Variants in TMEM184B observed in about 807,000 individuals in gnomAD.
TMEM184B encodes the protein transmembrane protein 184B, also known as putative MAPK-activating protein FM08.
TMEM184B carries 17 observed loss-of-function variants against 41.8 expected under a neutral mutation model. The observed-to-expected ratio is 0.41, with a 90% CI of 0.28 to 0.61. The LOEUF is 0.61. TMEM184B is among the 20% of genes least tolerant of loss of function. The pLI is 0.34. For missense variants in TMEM184B, 393 were observed against 557.8 expected (o/e 0.70, Z 2.98); for synonymous variants, 240 against 229.5 (o/e 1.05, Z -0.41).
chr22:38,238,019 C>T (rs1315250493), intron 3 of TMEM184B, among the ~76,000 whole-genome samples: 3 of 151,780 alleles, frequency 2.0e-5, no homozygotes, highest in African/African-American at 7.3e-5. Flanking sequence ...AGGCTGGTCT[C>T]GAACTCCCGA....
chr22:38,271,848 A>G (rs908594620), intron 1 of TMEM184B, among the ~76,000 whole-genome samples: 1 of 152,154 alleles, frequency 6.6e-6, no homozygotes, highest in Non-Finnish European at 1.5e-5. Context: ...TCTACCAAGG[A>G]AGCTAAATAG....
chr22:38,259,070 G>A (rs2092328928), intron 1 of TMEM184B, among the ~76,000 whole-genome samples: 1 of 152,174 alleles, frequency 6.6e-6, no homozygotes, highest in Non-Finnish European at 1.5e-5. Flanking sequence ...TTCCAGGAAA[G>A]ACGTCTTCCG....
At position 38,220,857 on chromosome 22, in the gene TMEM184B, C is replaced by T. The variant is rs567430134; in HGVS notation, c.*612G>A. The T allele has an allele frequency of 1.0e-6, 1 of 986,146 alleles. No individual in the cohort carries two copies. Among genetic ancestry groups the T allele is most frequent in the Non-Finnish European group, 1.2e-6 (1 of 830,148 alleles). 61.1% of individuals were successfully genotyped at this position (986,146 alleles called of 1,614,324 possible). ...AAGCGGTGCCCAGGGGCCCTGAATG[C>T]CCTTCCTGGGTGGGGCCTGTGACTC... On this transcript the variant is annotated 3_prime_UTR_variant, in exon 9 of 9. Transcript: ENST00000361906.
chr22:38,231,394 G>T, intron 3 of TMEM184B, 60 bp from the exon 4 acceptor site: 1 of 1,382,898 alleles, frequency 7.2e-7, no homozygotes, highest in Non-Finnish European at 1.0e-6. Flanking sequence ...CGCAGATGCT[G>T]GGATTCTAAA....
chr22:38,228,599 T>TGGGAATCTCTACTTTAAGTA (rs879635634), intron 5 of TMEM184B, among the ~76,000 whole-genome samples: 17 of 152,300 alleles, frequency 1.1e-4, no homozygotes, highest in Middle Eastern at 3.4e-3. Flanking sequence ...GTGGTTGATC[T>TGGGAATCTCTACTTTAAGTA]GGGAATCTCT....
In TMEM184B at chr22:38,245,915, C is replaced by CCCCCCCA; in HGVS notation, c.358+19_358+20insTGGGGGG. 4 of 1,594,136 alleles carry CCCCCCCA rather than the reference C, an allele frequency of 2.5e-6. No homozygotes were observed. Among genetic ancestry groups the CCCCCCCA allele is most frequent in the Non-Finnish European group, 3.4e-6 (4 of 1,169,520 alleles). ...CCCCCAGCCCCCCGCCAGCCCTCCC[C>CCCCCCCA]ACTCCGTCCCCATCCTCACCCTCAT... On this transcript the variant is annotated intron_variant, in intron 3 of 8. Coordinates refer to ENST00000361906, the MANE Select transcript of TMEM184B (RefSeq NM_012264.5).
chr22:38,271,045 G>C (rs1424043439), intron 1 of TMEM184B, among the ~76,000 whole-genome samples: 1 of 152,144 alleles, frequency 6.6e-6, no homozygotes, highest in Non-Finnish European at 1.5e-5. Context: ...GGGGCTCTTT[G>C]AATAACCCAC....
At chr22:38,268,758 G>A (rs774446152) in intron 1 of TMEM184B, among the ~76,000 whole-genome samples, 1 of 152,206 alleles carries the variant, frequency 6.6e-6, no homozygotes, top group African/African-American at 2.4e-5. Flanking sequence ...CCGCCCAGGC[G>A]ACAATGGCCT....
chr22:38,216,765 G>A (rs978397087), downstream of TMEM184B, among the ~76,000 whole-genome samples: 5 of 151,836 alleles, frequency 3.3e-5, no homozygotes, highest in East Asian at 1.9e-4. Flanking sequence ...GGATTCTGGC[G>A]GAGCATGGTG....
chr22:38,263,618 C>T (rs1005958597), intron 1 of TMEM184B, among the ~76,000 whole-genome samples: 5 of 152,172 alleles, frequency 3.3e-5, no homozygotes, highest in African/African-American at 4.8e-5. Context: ...CAATGACGAA[C>T]CTTGCAAATA....
intron 1 of TMEM184B, among the ~76,000 whole-genome samples, chr22:38,261,540 C>T (rs1300176237): frequency 1.3e-5 from 2 of 152,184 alleles, no homozygotes; most frequent in Non-Finnish European, 2.9e-5. Context: ...CAAAGTCCCT[C>T]AGCGAGGGCT....
At position 38,263,813 on chromosome 22, in the gene TMEM184B, T is replaced by C. The variant is rs541917859; in HGVS notation, c.-59+9071A>G. 3.9e-5 allele frequency among the ~76,000 whole-genome samples: 6 copies of C among 152,260 alleles called. No homozygotes were observed. In the East Asian group the frequency reaches 9.7e-4, roughly 25 times the overall value. ...AATATAGAAAATATGTAGGTTTCTG[T>C]TTGTTTTTTGAGATGCAGTCTCGCT... On this transcript the variant is annotated intron_variant, in intron 1 of 8. Transcript: ENST00000361906.
At chr22:38,270,757 C>A (rs1384089626) in intron 1 of TMEM184B, among the ~76,000 whole-genome samples, 2 of 152,190 alleles carry the variant, frequency 1.3e-5, no homozygotes, top group Non-Finnish European at 2.9e-5. Context: ...AAAAGCTGTA[C>A]CCTGCCTTGC....
At chr22:38,232,937 T>C (rs1402635058) in intron 3 of TMEM184B, among the ~76,000 whole-genome samples, 2 of 152,200 alleles carry the variant, frequency 1.3e-5, no homozygotes, top group Non-Finnish European at 2.9e-5. Context: ...GTGACCATCG[T>C]GGAGGTGAGT....
chr22:38,272,394 G>T, intron 1 of TMEM184B: 1 of 836,124 alleles, frequency 1.2e-6, no homozygotes, highest in Non-Finnish European at 1.4e-6. Flanking sequence ...CCTGTGTGGC[G>T]GGCGTGTACA....
intron 2 of TMEM184B, 116 bp from the exon 3 acceptor site, chr22:38,246,216 C>T: frequency 7.7e-7 from 1 of 1,300,092 alleles, no homozygotes; most frequent in Non-Finnish European, 1.0e-6. Flanking sequence ...GTGACCTACC[C>T]CTGAGCCTCA....
chr22:38,250,294 G>A (rs909455095), intron 1 of TMEM184B, among the ~76,000 whole-genome samples: 2 of 152,214 alleles, frequency 1.3e-5, no homozygotes, highest in Admixed American at 6.5e-5. Flanking sequence ...CCACCATGTC[G>A]GCTCTTAGCT....
At chr22:38,238,791 T>TGC (rs1188550178) in intron 3 of TMEM184B, among the ~76,000 whole-genome samples, 3 of 152,194 alleles carry the variant, frequency 2.0e-5, no homozygotes, top group African/African-American at 7.2e-5. Flanking sequence ...AGCCCTAGGA[T>TGC]TCAGAGACCC....
intron 2 of TMEM184B, chr22:38,246,571 G>T: frequency 3.5e-6 from 1 of 287,422 alleles, no homozygotes; most frequent in South Asian, 3.3e-5. Context: ...CTTAACTTAT[G>T]GCAAGACAGA....
Sources: allele counts gnomAD v4.1 joint callset (sites outside exome capture counted in the v4.1 genomes callset), GRCh38; gene constraint gnomAD v4.1.1; transcripts MANE v1.5; gene names NCBI Gene and HGNC (gene_info 2026-07-23, HGNC 2026-07-21).